Variants in TTYH1 observed in about 807,000 individuals in gnomAD.
The protein encoded by TTYH1 is protein tweety homolog 1.
TTYH1 carries 33 observed loss-of-function variants against 61.2 expected under a neutral mutation model. That is an observed-to-expected ratio of 0.54 (90% CI 0.41 to 0.72). TTYH1 has a LOEUF of 0.72. Among genes scored for constraint, TTYH1 ranks in the 30% least tolerant of loss-of-function variants. The probability of loss-of-function intolerance (pLI) is 0.00; values close to 1 mark genes in which losing one functional copy is unlikely to be tolerated. For missense variants in TTYH1, 538 were observed against 575.8 expected (o/e 0.93, Z 0.67); for synonymous variants, 308 against 266.4 (o/e 1.16, Z -1.52).
chr19:54,430,413 C>CT, intron 7 of TTYH1, 137 bp from the exon 8 acceptor site: 1 of 931,228 alleles, frequency 1.1e-6, no homozygotes, highest in South Asian at 1.5e-5. Flanking sequence ...TGGCGGGTCT[C>CT]TGAAGGTAAG....
At chr19:54,417,343 T>C (rs1306459979) in intron 1 of TTYH1, among the ~76,000 whole-genome samples, 2 of 149,674 alleles carry the variant, frequency 1.3e-5, no homozygotes, top group African/African-American at 5.0e-5. Flanking sequence ...CCACTTACTT[T>C]CATTACACAC....
intron 1 of TTYH1, among the ~76,000 whole-genome samples, chr19:54,418,007 G>GACACAC (rs35160501): frequency 0.022 from 3,263 of 148,230 alleles, 103 homozygotes; most frequent in African/African-American, 0.067. Flanking sequence ...ACACACTTGG[G>GACACAC]ACACACACAC....
chr19:54,419,059 G>A lies in TTYH1; in HGVS notation c.127-69G>A, dbSNP rs568961382. The A allele has an allele frequency of 1.0e-5, 15 of 1,476,324 alleles. No individual in the cohort carries two copies. In the East Asian group the frequency reaches 1.4e-4, roughly 14 times the overall value. The allele number at this position is 1,476,324 out of a possible 1,614,324, so 91.5% of individuals were successfully genotyped here. A position where few individuals can be genotyped will look rare whatever the true frequency, so the allele number is the denominator to read the frequency against. ...TCCCAGACCCCGACCCCCCAGCCACGCAGGAAGGGGGATCTGAGTGTGGAA... is the reference window on the plus strand; with the variant it reads ...TCCCAGACCCCGACCCCCCAGCCACACAGGAAGGGGGATCTGAGTGTGGAA... On this transcript the variant is annotated intron_variant, in intron 1 of 13. Coordinates refer to ENST00000376530, the MANE Select transcript of TTYH1 (RefSeq NM_020659.4). The surrounding 1 kb of genome is among the most constrained non-coding windows in gnomAD (Gnocchi z 6.1).
chr19:54,422,636 T>C (rs1290507006), intron 4 of TTYH1, among the ~76,000 whole-genome samples: 1 of 152,062 alleles, frequency 6.6e-6, no homozygotes, highest in Non-Finnish European at 1.5e-5. Flanking sequence ...ATGACAATTA[T>C]GACGAGGCTG....
chr19:54,418,724 C>G (rs1356210915), intron 1 of TTYH1: 1 of 159,496 alleles, frequency 6.3e-6, no homozygotes, highest in Admixed American at 6.4e-5. Flanking sequence ...TGCCCCCACA[C>G]CCCCACCCGC....
rs190410063 is a variant in TTYH1, at chr19:54,421,887, G to A, written c.418-303G>A. On this transcript the variant is annotated intron_variant, in intron 3 of 13. Coordinates refer to ENST00000376530, the MANE Select transcript of TTYH1 (RefSeq NM_020659.4). This position sits in a 1 kb window ranked among gnomAD's most constrained non-coding sequence, Gnocchi z 4.8. ...CCCAGACTTGAGACCCCAGATTCTG[G>A]AAGGCAGATGAAAACTTCAGACCTA... Among the ~76,000 whole-genome samples, 47 of 152,222 alleles carry A rather than the reference G, an allele frequency of 3.1e-4. No individual in the cohort carries two copies. Among genetic ancestry groups the A allele is most frequent in the Middle Eastern group, 3.4e-3 (1 of 294 alleles).
rs1197040728 is a variant in TTYH1 at position 54,436,264 on chromosome 19, T to A, written c.*43-69T>A. ...CTCCAGGCATGGGCTGCGTGCCTCCTGCTGGGTGGATCGCACCGGGCAGGC... is the reference window on the plus strand; with the variant it reads ...CTCCAGGCATGGGCTGCGTGCCTCCAGCTGGGTGGATCGCACCGGGCAGGC... On this transcript the variant is annotated intron_variant, in intron 13 of 13. Transcript: ENST00000376530. This position sits in a 1 kb window ranked among gnomAD's most constrained non-coding sequence, Gnocchi z 4.3. 25 of 1,610,456 alleles carry A rather than the reference T, an allele frequency of 1.6e-5. No homozygotes were observed. Among genetic ancestry groups the A allele is most frequent in the Non-Finnish European group, 1.7e-5 (20 of 1,177,114 alleles).
chr19:54,416,849 C>G lies in TTYH1; in HGVS notation c.126+1171C>G. The stretch of plus-strand genomic sequence containing the variant: ...CGCTCCACCGGCTCCGGCCTCGGCC[C>G]AGACTCACGCCCGCTCTGGCCCGGA... On this transcript the variant is annotated intron_variant, in intron 1 of 13. Transcript: ENST00000376530. This position sits in a 1 kb window ranked among gnomAD's most constrained non-coding sequence, Gnocchi z 7.0. 1 of 1,293,316 alleles carries G rather than the reference C, an allele frequency of 7.7e-7. No homozygotes were observed. Among genetic ancestry groups the G allele is most frequent in the South Asian group, 1.2e-5 (1 of 80,984 alleles). 80.1% of individuals were successfully genotyped at this position (1,293,316 alleles called of 1,614,324 possible).
intron 1 of TTYH1, among the ~76,000 whole-genome samples, chr19:54,417,326 GA>G (rs1036387475): frequency 3.4e-5 from 5 of 148,506 alleles, no homozygotes; most frequent in African/African-American, 1.2e-4. Context: ...CACACACTCA[GA>G]CACGCCCACT....
At chr19:54,435,131 G>A (rs1232940248) in intron 10 of TTYH1, 1 of 173,244 alleles carries the variant, frequency 5.8e-6, no homozygotes, top group East Asian at 1.6e-4. Context: ...TGCCGGGAGG[G>A]AGAAGGGAAA....
Position 54,419,259 on chromosome 19 carries a change from G to T in TTYH1, c.258G>T (p.Gly86=). The stretch of plus-strand genomic sequence containing the variant: ...CCGGGTCCAAGATCCCCTCGCCCGG[G>T]GGAGGCTGCGTCACCTGGAGCTGCA... ...EPPGSKIPSP[G]GGCVTWSCIV... Residue 86 remains glycine (G), a synonymous_variant, in exon 2 of 14, where the codon GGG becomes GGT. Coordinates refer to ENST00000376530, the MANE Select transcript of TTYH1 (RefSeq NM_020659.4). The surrounding 1 kb of genome is among the most constrained non-coding windows in gnomAD (Gnocchi z 6.1). The T allele has an allele frequency of 6.2e-7, 1 of 1,606,408 alleles. No individual in the cohort carries two copies.
In TTYH1 at chr19:54,416,149, CTGGGA is replaced by C. The variant is rs2083074371; in HGVS notation, c.126+478_126+482del. The C allele has an allele frequency of 1.8e-6, 2 of 1,118,742 alleles. No homozygotes were observed. The highest frequency in any genetic ancestry group is 5.9e-5 in the East Asian group (1 of 16,934). 69.3% of individuals were successfully genotyped at this position (1,118,742 alleles called of 1,614,324 possible). A position where few individuals can be genotyped will look rare whatever the true frequency, so the allele number is the denominator to read the frequency against. The stretch of plus-strand genomic sequence containing the variant: ...GGGGAAAACGCTGGCTGCTGCGGTG[CTGGGA>C]TGGGATTGAGAGTCTGAAATGGGGA... On this transcript the variant is annotated intron_variant, in intron 1 of 13. Coordinates refer to ENST00000376530, the MANE Select transcript of TTYH1 (RefSeq NM_020659.4). The surrounding 1 kb of genome is among the most constrained non-coding windows in gnomAD (Gnocchi z 7.0).
chr19:54,421,357 C>T lies in TTYH1; in HGVS notation c.386C>T (p.Ala129Val). Residue 129 changes from alanine to valine, a missense_variant, in exon 3 of 14, where the codon GCC becomes GTC. By Grantham distance (64) the Ala-to-Val change is moderately conservative. Coordinates refer to ENST00000376530, the MANE Select transcript of TTYH1 (RefSeq NM_020659.4). This position sits in a 1 kb window ranked among gnomAD's most constrained non-coding sequence, Gnocchi z 4.8. ...CAGCTCAGCTCTGCGCTGCTGCACG[C>T]CAACCACACACTCAGCACCATTGAC... ...VSQLSSALLH[A>V]NHTLSTIDHL... 6.2e-7 allele frequency: 1 copy of T among 1,613,780 alleles called. No individual in the cohort carries two copies. Among genetic ancestry groups the T allele is most frequent in the East Asian group, 2.2e-5 (1 of 44,880 alleles).
Position 54,420,719 on chromosome 19 carries a change from G to C in TTYH1, c.306-558G>C, listed in dbSNP as rs931953151. On this transcript the variant is annotated intron_variant, in intron 2 of 13. Transcript: ENST00000376530. The surrounding 1 kb of genome is among the most constrained non-coding windows in gnomAD (Gnocchi z 4.8). Reference sequence around the variant, plus strand: ...GCCCGACGCTTGGGTCCCGGGTGGGGGAAGGCCGAGAGCTCCAGGCTCAGC... The same window carrying C: ...GCCCGACGCTTGGGTCCCGGGTGGGCGAAGGCCGAGAGCTCCAGGCTCAGC... 1 of 168,376 alleles carries C rather than the reference G, an allele frequency of 5.9e-6. No individual in the cohort carries two copies. The highest frequency in any genetic ancestry group is 6.4e-5 in the Admixed American group (1 of 15,566). 10.4% of individuals were successfully genotyped at this position (168,376 alleles called of 1,614,324 possible).
intron 4 of TTYH1, among the ~76,000 whole-genome samples, chr19:54,423,140 C>T (rs1056103839): frequency 6.6e-6 from 1 of 150,692 alleles, no homozygotes; most frequent in Admixed American, 6.6e-5. Flanking sequence ...CCTGGACTAA[C>T]CCAGCAGGCC....
chr19:54,436,426 C>T lies in TTYH1; in HGVS notation c.*136C>T, dbSNP rs576663036. On this transcript the variant is annotated 3_prime_UTR_variant, in exon 14 of 14. Transcript: ENST00000376530. The surrounding 1 kb of genome is among the most constrained non-coding windows in gnomAD (Gnocchi z 4.3). ...TGGCCATGGACAGCCTGCACAGGACCGCCTCCCTGCTCTTGGCCACTGTGC... is the reference window on the plus strand; with the variant it reads ...TGGCCATGGACAGCCTGCACAGGACTGCCTCCCTGCTCTTGGCCACTGTGC... 6.2e-5 allele frequency: 98 copies of T among 1,588,982 alleles called. No homozygotes were observed. Among genetic ancestry groups the T allele is most frequent in the Admixed American group, 5.0e-5 (3 of 59,960 alleles).
At chr19:54,435,729 G>C (rs774006268) in intron 11 of TTYH1, 45 bp downstream of exon 11, 2 of 1,610,596 alleles carry the variant, frequency 1.2e-6, no homozygotes, top group Non-Finnish European at 8.5e-7. Context: ...GAAGAGGAGG[G>C]GCAGCACCTG....
chr19:54,417,101 G>C (rs2083097275), intron 1 of TTYH1, among the ~76,000 whole-genome samples: 1 of 152,170 alleles, frequency 6.6e-6, no homozygotes, highest in Admixed American at 6.5e-5. Context: ...TGGCCCGGGG[G>C]AGGCACACAG....
Position 54,421,192 on chromosome 19 carries a change from A to T in TTYH1, c.306-85A>T, listed in dbSNP as rs2083209766. ...GATGGGAGGGGTGGATAAGAAGGCGAGGTGGAGGGGATGGGGTGGGAGGGG... is the reference window on the plus strand; with the variant it reads ...GATGGGAGGGGTGGATAAGAAGGCGTGGTGGAGGGGATGGGGTGGGAGGGG... On this transcript the variant is annotated intron_variant, in intron 2 of 13. Coordinates refer to ENST00000376530, the MANE Select transcript of TTYH1 (RefSeq NM_020659.4). The surrounding 1 kb of genome is among the most constrained non-coding windows in gnomAD (Gnocchi z 4.8). 2.5e-6 allele frequency: 2 copies of T among 800,794 alleles called. No individual in the cohort carries two copies. Among genetic ancestry groups the T allele is most frequent in the South Asian group, 2.9e-5 (2 of 68,850 alleles). 49.6% of individuals were successfully genotyped at this position (800,794 alleles called of 1,614,324 possible).
Sources: gnomAD v4.1 joint callset for allele counts (sites outside exome capture counted in the v4.1 genomes callset) on GRCh38, gnomAD v4.1.1 for gene constraint, Gnocchi (gnomAD v3.1) non-coding constraint, MANE v1.5 for transcripts, NCBI Gene and HGNC (gene_info 2026-07-23, HGNC 2026-07-21) for gene names.